CP: variants seen among roughly 807,000 people sequenced by gnomAD.
CP encodes the protein caeruloplasmin.
A neutral mutation model predicts 122.4 loss-of-function variants in CP; 64 were observed. The observed-to-expected ratio is 0.52, with a 90% CI of 0.43 to 0.64. CP has a LOEUF of 0.64. CP is among the 30% of genes least tolerant of loss of function. The pLI is 0.00. For synonymous variants in CP, 440 were observed against 436.4 expected (o/e 1.01, Z -0.10); for missense variants, 1,167 against 1,284.4 (o/e 0.91, Z 1.40).
Position 149,186,506 on chromosome 3 carries a change from T to G in CP, c.2077+14A>C, listed in dbSNP as rs770858782. ...AAATCCATCCAATAGAGACTTGGCT[T>G]TAAGTAAATATACCCTCTGTGTCAG... On this transcript the variant is annotated intron_variant, in intron 11 of 18. Transcript: ENST00000264613. 1.3e-5 allele frequency: 21 copies of G among 1,612,922 alleles called. 1 individual carries two copies. The South Asian group carries it at 2.3e-4, about 18-fold the overall frequency.
intron 7 of CP, among the ~76,000 whole-genome samples, chr3:149,201,165 C>T (rs1576764193): frequency 1.3e-5 from 2 of 152,244 alleles, no homozygotes; most frequent in East Asian, 1.9e-4. Context: ...GCTCTGTCAC[C>T]CAGGCTGGAG....
At chr3:149,195,209 G>A (rs773050) in intron 9 of CP, among the ~76,000 whole-genome samples, 138,991 of 152,268 alleles carry the variant, frequency 0.91, 63,731 homozygotes, top group East Asian at 1. Flanking sequence ...AAACACAGAT[G>A]ATCTCATGTA....
intron 12 of CP, among the ~76,000 whole-genome samples, chr3:149,184,808 C>A (rs547805023): frequency 6.6e-6 from 1 of 152,122 alleles, no homozygotes; most frequent in Non-Finnish European, 1.5e-5. Flanking sequence ...ATATTCCATA[C>A]GTAACGGTTT....
chr3:149,186,415 G>T, intron 11 of CP, 105 bp downstream of exon 11: 1 of 1,084,360 alleles, frequency 9.2e-7, no homozygotes, highest in South Asian at 1.3e-5. Flanking sequence ...CACTTCAGAG[G>T]CTTGGGGAAG....
intron 18 of CP, among the ~76,000 whole-genome samples, chr3:149,175,426 C>T (rs1203101758): frequency 2.0e-5 from 3 of 152,108 alleles, no homozygotes; most frequent in East Asian, 1.9e-4. Flanking sequence ...GTTAACCTTT[C>T]AGGGCTTTTT....
chr3:149,200,691 A>T (rs78016494), intron 7 of CP, among the ~76,000 whole-genome samples: 48 of 146,604 alleles, frequency 3.3e-4, no homozygotes, highest in African/African-American at 1.1e-3. Context: ...TTTTTTTTTT[A>T]GTAGAGATGG....
At chr3:149,183,730 A>G in intron 12 of CP, 125 bp from the exon 13 acceptor site, 1 of 694,194 alleles carries the variant, frequency 1.4e-6, no homozygotes, top group Non-Finnish European at 2.3e-6. Flanking sequence ...TTAAATCATC[A>G]CTCTTCTATC....
rs576931228 is a variant in CP at position 149,178,624 on chromosome 3, T to C, written c.2669A>G (p.Tyr890Cys). Residue 890 changes from tyrosine (Y) to cysteine (C), a missense_variant, in exon 16 of 19, where the codon TAC becomes TGC. By Grantham distance (194) the Tyr-to-Cys change is radical (BLOSUM62 -2). Coordinates refer to ENST00000264613, the MANE Select transcript of CP (RefSeq NM_000096.4). Reference sequence around the variant, plus strand: ...AATCAGGGGGCCAATTAATCCACTGTAGAGGTCCTGGAAACAAGAAAAATC... The same window carrying C: ...AATCAGGGGGCCAATTAATCCACTGCAGAGGTCCTGGAAACAAGAAAAATC... The part of the protein sequence containing the change: ...YSTVDQVKDL[Y>C]SGLIGPLIVC... 4.3e-6 allele frequency: 7 copies of C among 1,609,480 alleles called. No individual in the cohort carries two copies. The East Asian group carries it at 1.1e-4, about 26-fold the overall frequency.
rs114038946 is a variant in CP at position 149,201,016 on chromosome 3, G to A, written c.1348+1086C>T. Among the ~76,000 whole-genome samples, 1,290 of 152,280 alleles carry A rather than the reference G, an allele frequency of 8.5e-3. 16 individuals carry two copies. The highest frequency in any genetic ancestry group is 0.03 in the African/African-American group (1,231 of 41,550). ...GCTCACCCACTGTTATTCTGCCTGC[G>A]TGCCTTGGCGAGAACAGGTCTCTGG... On this transcript the variant is annotated intron_variant, in intron 7 of 18. Transcript: ENST00000264613.
rs778389238 is a variant in CP, at chr3:149,210,336, A to G, written c.438T>C (p.Asp146=). ...ACTGCTCTCCTGGATATACTTTGTC[A>G]TCTGCTCTTTGAAAATCTGTGGTGT... The part of the protein sequence containing the change: ...PDNTTDFQRA[D]DKVYPGEQYT... The change falls in exon 3 of 19, where the codon GAT becomes GAC. Residue 146 remains aspartate, a synonymous_variant. Transcript: ENST00000264613. The G allele has an allele frequency of 1.9e-6, 3 of 1,614,124 alleles. No homozygotes were observed. Among genetic ancestry groups the G allele is most frequent in the South Asian group, 1.1e-5 (1 of 91,084 alleles).
At chr3:149,167,143 G>T in intron 4 of CP, 1 of 1,613,850 alleles carries the variant, frequency 6.2e-7, no homozygotes, top group Non-Finnish European at 8.5e-7. Flanking sequence ...TGTCGTACAC[G>T]CTTGAAAGAG....
At chr3:149,212,848 T>C in intron 1 of CP, 150 bp from the exon 2 acceptor site, 1 of 912,508 alleles carries the variant, frequency 1.1e-6, no homozygotes, top group Non-Finnish European at 1.6e-6. Context: ...AAAATTGAAG[T>C]GGAGGGCTGG....
chr3:149,213,489 T>C (rs567692259), intron 1 of CP, among the ~76,000 whole-genome samples: 42 of 152,370 alleles, frequency 2.8e-4, no homozygotes, highest in South Asian at 1.2e-3. Flanking sequence ...CAACCTTAAC[T>C]GAAGGCTTAT....
At chr3:149,166,198 T>C in intron 4 of CP, 2 of 352,532 alleles carry the variant, frequency 5.7e-6, no homozygotes, top group East Asian at 1.5e-4. Context: ...TTGGTAAAGT[T>C]GTAAATTCTG....
intron 2 of CP, among the ~76,000 whole-genome samples, chr3:149,211,217 TTTAAA>T (rs1386481592): frequency 3.9e-5 from 6 of 152,208 alleles, no homozygotes; most frequent in Non-Finnish European, 7.3e-5. Flanking sequence ...CAAATCTAAT[TTTAAA>T]TTAATTTCCC....
rs547768809 is a variant in CP at position 149,178,716 on chromosome 3, A to C, written c.2662-85T>G. ...GAGACTTTGCACCCAGGGCCTCAGG[A>C]ATTTTGGAGAGACCAATTGAAGTAA... On this transcript the variant is annotated intron_variant, in intron 15 of 18. Coordinates refer to ENST00000264613, the MANE Select transcript of CP (RefSeq NM_000096.4). 15 of 960,718 alleles carry C rather than the reference A, an allele frequency of 1.6e-5. No homozygotes were observed. In the East Asian group the frequency reaches 2.3e-4, roughly 15 times the overall value. 59.5% of individuals were successfully genotyped at this position (960,718 alleles called of 1,614,324 possible).
chr3:149,191,617 C>T (rs1726554388), intron 9 of CP, among the ~76,000 whole-genome samples: 1 of 151,680 alleles, frequency 6.6e-6, no homozygotes, highest in Admixed American at 6.6e-5. Flanking sequence ...AATATTCTAC[C>T]CATCATAATA....
chr3:149,170,790 T>C (rs1021322872), downstream of CP, among the ~76,000 whole-genome samples: 4 of 152,120 alleles, frequency 2.6e-5, no homozygotes, highest in Non-Finnish European at 4.4e-5. Context: ...GAGTAAGCGA[T>C]GGGCATGCAA....
At chr3:149,163,312 A>G (rs1724075275) in intron 5 of CP, among the ~76,000 whole-genome samples, 1 of 152,170 alleles carries the variant, frequency 6.6e-6, no homozygotes, top group Admixed American at 6.5e-5. Flanking sequence ...TCTGTTGCAC[A>G]TACAGGAGCT....
Sources: gnomAD v4.1 joint callset for allele counts (sites outside exome capture counted in the v4.1 genomes callset) on GRCh38, gnomAD v4.1.1 for gene constraint, MANE v1.5 for transcripts, NCBI Gene and HGNC (gene_info 2026-07-23, HGNC 2026-07-21) for gene names.